The following ANKFN1 variants were observed in gnomAD, a reference collection of about 807,000 sequenced individuals.
ANKFN1 encodes ankyrin repeat and fibronectin type-III domain-containing protein 1.
In ANKFN1, 74 loss-of-function variants were observed where a neutral mutation model predicts 108.7. The observed-to-expected ratio is 0.68, with a 90% CI of 0.56 to 0.83. The LOEUF (loss-of-function observed/expected upper bound fraction) is 0.83, where lower values mean the gene tolerates loss of function less well. ANKFN1 is among the 40% of genes least tolerant of loss of function. ANKFN1 has a pLI of 0.00. For missense variants in ANKFN1, 1,505 were observed against 1,382.3 expected, an observed-to-expected ratio of 1.09 and a Z score of -1.41; for synonymous variants, 547 against 516.2, an observed-to-expected ratio of 1.06 and a Z score of -0.81.
At chr17:56,126,806 G>A (rs1906962074) in intron 4 of ANKFN1, among the ~76,000 whole-genome samples, 1 of 152,156 alleles carries the variant, frequency 6.6e-6, no homozygotes, top group Non-Finnish European at 1.5e-5. Context: ...TTTAAGATTG[G>A]TCCTGATGAA....
chr17:56,400,577 T>C (rs2047730331), intron 8 of ANKFN1, among the ~76,000 whole-genome samples: 1 of 152,106 alleles, frequency 6.6e-6, no homozygotes, highest in African/African-American at 2.4e-5. Flanking sequence ...TGCAAAAAGC[T>C]CGTGCAAAAG....
chr17:56,127,396 C>T (rs1455663934), intron 4 of ANKFN1, among the ~76,000 whole-genome samples: 1 of 152,168 alleles, frequency 6.6e-6, no homozygotes, highest in Non-Finnish European at 1.5e-5. Context: ...TCACTGCAAC[C>T]TCCACCTCCC....
At chr17:56,289,744 C>T (rs1176732713) in intron 3 of ANKFN1, among the ~76,000 whole-genome samples, 1 of 152,234 alleles carries the variant, frequency 6.6e-6, no homozygotes, top group Non-Finnish European at 1.5e-5. Flanking sequence ...TAATGTGTGG[C>T]ACTCTTCACT....
intron 3 of ANKFN1, among the ~76,000 whole-genome samples, chr17:56,262,980 T>A (rs532454365): frequency 7.9e-5 from 12 of 152,346 alleles, no homozygotes; most frequent in African/African-American, 2.9e-4. Flanking sequence ...GAATTATGTC[T>A]GTGGCTTATG....
chr17:56,409,910 G>A (rs1487209207), intron 8 of ANKFN1, among the ~76,000 whole-genome samples: 6 of 151,550 alleles, frequency 4.0e-5, no homozygotes, highest in Non-Finnish European at 8.8e-5. Flanking sequence ...TCTTAAAATA[G>A]GAAGGCAGTG....
chr17:56,142,899 C>A (rs1026464099), intron 4 of ANKFN1, among the ~76,000 whole-genome samples: 2 of 152,180 alleles, frequency 1.3e-5, no homozygotes, highest in Non-Finnish European at 2.9e-5. Context: ...CACACAAATA[C>A]TCTATGATTC....
intron 20 of ANKFN1, among the ~76,000 whole-genome samples, chr17:56,505,361 CTA>C (rs2051519564): frequency 6.6e-6 from 1 of 152,190 alleles, no homozygotes; most frequent in Non-Finnish European, 1.5e-5. Context: ...TGAGAGCCTT[CTA>C]TGTACCATTT....
Position 56,172,620 on chromosome 17 carries a change from TA to T in ANKFN1, c.-71+19091del. ...ACATGGGAGGTGCCAACTCAGAGTC[TA>T]GAGGCTGAGCCCAGGATTAAGAGCC... On this transcript the variant is annotated intron_variant, in intron 1 of 20. Transcript: ENST00000682825. 2.0e-5 allele frequency among the ~76,000 whole-genome samples: 3 copies of T among 152,214 alleles called. 1 individual carries two copies. The Middle Eastern group carries it at 0.01, about 518-fold the overall frequency.
At chr17:56,158,757 C>G (rs189416256) in intron 1 of ANKFN1, among the ~76,000 whole-genome samples, 1 of 151,898 alleles carries the variant, frequency 6.6e-6, no homozygotes, top group Non-Finnish European at 1.5e-5. Flanking sequence ...TGCTAAACAC[C>G]GCATGTATTT....
intron 4 of ANKFN1, among the ~76,000 whole-genome samples, chr17:56,050,956 C>T (rs1271804860): frequency 3.6e-5 from 5 of 138,402 alleles, no homozygotes; most frequent in African/African-American, 1.4e-4. Flanking sequence ...AGTCCAGGAC[C>T]AGATGGATTC....
chr17:56,222,954 C>A (rs183641168), intron 2 of ANKFN1, among the ~76,000 whole-genome samples: 28 of 152,300 alleles, frequency 1.8e-4, no homozygotes, highest in Non-Finnish European at 4.4e-5. Flanking sequence ...AAATTACTAA[C>A]AACCTAAATG....
intron 8 of ANKFN1, among the ~76,000 whole-genome samples, chr17:56,390,262 TG>T (rs1318660887): frequency 6.6e-6 from 1 of 152,036 alleles, no homozygotes; most frequent in South Asian, 2.1e-4. Flanking sequence ...GTGTTCTAAT[TG>T]TTCAACTCCA....
In ANKFN1 at chr17:56,420,233, A is replaced by G. The variant is rs372339607; in HGVS notation, c.911-20094A>G. 5.9e-5 allele frequency among the ~76,000 whole-genome samples: 9 copies of G among 152,312 alleles called. No homozygotes were observed. In the East Asian group the frequency reaches 1.7e-3, roughly 29 times the overall value. On this transcript the variant is annotated intron_variant, in intron 8 of 20. Transcript: ENST00000682825. Reference sequence around the variant, plus strand: ...CATATAATTTAAGGAGCACTAGAGAACCTGCTGACTTAGAGGAATTCTAGC... The same window carrying G: ...CATATAATTTAAGGAGCACTAGAGAGCCTGCTGACTTAGAGGAATTCTAGC...
At chr17:56,194,899 C>G (rs2143717457) in intron 1 of ANKFN1, among the ~76,000 whole-genome samples, 1 of 152,288 alleles carries the variant, frequency 6.6e-6, no homozygotes, top group Non-Finnish European at 1.5e-5. Flanking sequence ...AGATAAAAAT[C>G]TATTTAAAAC....
intron 10 of ANKFN1, 50 bp from the exon 11 acceptor site, chr17:56,449,029 G>T: frequency 1.3e-6 from 2 of 1,528,050 alleles, no homozygotes; most frequent in Non-Finnish European, 1.8e-6. Flanking sequence ...GCAAGGAAGA[G>T]GCCTCCCCTG....
chr17:56,504,869 C>T (rs183680213), intron 20 of ANKFN1, among the ~76,000 whole-genome samples: 1 of 143,082 alleles, frequency 7.0e-6, no homozygotes, highest in African/African-American at 2.6e-5. Context: ...CACAGGGTTG[C>T]ATCAGGTTGG....
chr17:56,130,243 A>G (rs879920760), intron 4 of ANKFN1, among the ~76,000 whole-genome samples: 2 of 152,194 alleles, frequency 1.3e-5, no homozygotes, highest in Non-Finnish European at 2.9e-5. Context: ...CTGGGCTGTT[A>G]CAGTAGCTTC....
At chr17:56,418,797 G>T (rs1229740653) in intron 8 of ANKFN1, among the ~76,000 whole-genome samples, 1 of 138,142 alleles carries the variant, frequency 7.2e-6, no homozygotes, top group Non-Finnish European at 1.5e-5. Context: ...TACTTTCTAA[G>T]TTAAAAAAAA....
chr17:56,177,523 C>T (rs1462141663), intron 1 of ANKFN1, among the ~76,000 whole-genome samples: 1 of 152,176 alleles, frequency 6.6e-6, no homozygotes, highest in Non-Finnish European at 1.5e-5. Context: ...TTTTCATAAT[C>T]CACTTACAAT....
Sources: allele counts gnomAD v4.1 joint callset (sites outside exome capture counted in the v4.1 genomes callset), GRCh38; gene constraint gnomAD v4.1.1; transcripts MANE v1.5; gene names NCBI Gene and HGNC (gene_info 2026-07-23, HGNC 2026-07-21).